RFX5: variants seen among roughly 807,000 people sequenced by gnomAD.
RFX5 encodes DNA-binding protein RFX5.
Under a neutral mutation model 41.2 loss-of-function variants are expected in RFX5, and 30 were observed. The ratio of observed to expected loss-of-function variants is 0.73; its 90% CI spans 0.54 to 0.99. RFX5 has a LOEUF of 0.99. Ranked by LOEUF, RFX5 falls within the 50% of genes least tolerant of loss-of-function variation. The probability of loss-of-function intolerance (pLI) is 0.00; values close to 1 mark genes in which losing one functional copy is unlikely to be tolerated. For synonymous variants in RFX5, 231 were observed against 291.8 expected, an observed-to-expected ratio of 0.79 and a Z score of 2.12; for missense variants, 715 against 773.6, an observed-to-expected ratio of 0.92 and a Z score of 0.90.
chr1:151,343,954 C>A, intron 8 of RFX5, 72 bp from the exon 9 acceptor site: 1 of 1,530,660 alleles, frequency 6.5e-7, no homozygotes. Flanking sequence ...TGTCAGAGAT[C>A]AAAGACTATT....
rs765460596 is a variant in RFX5, at chr1:151,342,931, C to T, written c.1106G>A (p.Ser369Asn). 1.2e-6 allele frequency: 2 copies of T among 1,614,014 alleles called. No homozygotes were observed. Among genetic ancestry groups the T allele is most frequent in the African/African-American group, 2.7e-5 (2 of 74,926 alleles). The change falls in exon 11 of 11, where the codon AGT becomes AAT. Residue 369 changes from serine (S) to asparagine (N), a missense_variant. By Grantham distance (46) the Ser-to-Asn change is conservative. Transcript: ENST00000452671. ...ALKVATLPLSSRAGAPPAAVP... is the reference protein window; with the variant it reads ...ALKVATLPLSNRAGAPPAAVP... Reference sequence around the variant, plus strand: ...AGCTGCTGGGGGTGCCCCGGCCCTACTAGACAGAGGCAGTGTAGCCACTTT... The same window carrying T: ...AGCTGCTGGGGGTGCCCCGGCCCTATTAGACAGAGGCAGTGTAGCCACTTT...
intron 4 of RFX5, 71 bp from the exon 5 acceptor site, chr1:151,345,259 C>G (rs1650908985): frequency 8.5e-7 from 1 of 1,180,186 alleles, no homozygotes; most frequent in Non-Finnish European, 1.3e-6. Context: ...ACCCTCTGAT[C>G]CCCACACCAA....
At position 151,343,014 on chromosome 1, in the gene RFX5, A is replaced by G. The variant is rs748890635; in HGVS notation, c.1023T>C (p.Ile341=). 5 of 1,613,762 alleles carry G rather than the reference A, an allele frequency of 3.1e-6. No homozygotes were observed. The highest frequency in any genetic ancestry group is 4.2e-6 in the Non-Finnish European group (5 of 1,179,834). ...LLLPRAPRSL[I]PPIPVSPPIL... ...TAGGTGGAGAGACTGGGATTGGCGG[A>G]ATTAGTGAGCGAGGGGCCCGGGGAA... is the stretch of plus-strand genomic sequence containing the variant. The change falls in exon 11 of 11, where the codon ATT becomes ATC. Residue 341 remains isoleucine (I), a synonymous_variant. Transcript: ENST00000452671.
In RFX5 at chr1:151,344,442, T is replaced by A. The variant is rs1196603035; in HGVS notation, c.448A>T (p.Arg150Trp). The A allele has an allele frequency of 6.2e-7, 1 of 1,614,224 alleles. No homozygotes were observed. The highest frequency in any genetic ancestry group is 1.1e-5 in the South Asian group (1 of 91,088). Reference sequence around the variant, plus strand: ...TTGGACTGGCCCCGGCCACCAAGCCTTCGAGCTTTGATGTCAGGGAAGATC... The same window carrying A: ...TTGGACTGGCCCCGGCCACCAAGCCATCGAGCTTTGATGTCAGGGAAGATC... ...REIFPDIKAR[R>W]LGGRGQSKYC... The change falls in exon 7 of 11, where the codon AGG (arginine) becomes TGG (tryptophan). Residue 150 changes from arginine (R) to tryptophan (W), a missense_variant. Physicochemically the swap from Arg to Trp is moderately radical, Grantham distance 101. Coordinates refer to ENST00000452671, the MANE Select transcript of RFX5 (RefSeq NM_001025603.2).
intron 9 of RFX5, 53 bp from the exon 10 acceptor site, chr1:151,343,495 A>G: frequency 1.3e-6 from 2 of 1,560,548 alleles, no homozygotes; most frequent in Middle Eastern, 1.7e-4. Flanking sequence ...AAACTGAGGA[A>G]TAGGGGAGTG....
chr1:151,341,909 T>C lies in RFX5; in HGVS notation c.*277A>G, dbSNP rs543532684. The C allele has an allele frequency of 8.0e-6, 5 of 627,060 alleles. No homozygotes were observed. The highest frequency in any genetic ancestry group is 6.5e-5 in the East Asian group (2 of 30,962). 38.8% of individuals were successfully genotyped at this position (627,060 alleles called of 1,614,324 possible). A position where few individuals can be genotyped will look rare whatever the true frequency, so the allele number is the denominator to read the frequency against. The stretch of plus-strand genomic sequence containing the variant: ...AAAAGATCCCTAACCTATATATTCA[T>C]CATACTTAGCCCATTCCTACCTTCC... On this transcript the variant is annotated 3_prime_UTR_variant, in exon 11 of 11. Transcript: ENST00000452671.
At chr1:151,345,593 CAG>C in intron 4 of RFX5, 1 of 326,458 alleles carries the variant, frequency 3.1e-6, no homozygotes, top group Non-Finnish European at 5.5e-6. Flanking sequence ...GCCTAGGCGA[CAG>C]AGTGAGACTC....
chr1:151,346,878 T>C, intron 1 of RFX5: 1 of 154,694 alleles, frequency 6.5e-6, no homozygotes, highest in East Asian at 1.9e-4. Context: ...CTGCTCCCCC[T>C]CCCCACGTCG....
intron 4 of RFX5, 124 bp downstream of exon 4, chr1:151,345,804 A>C (rs1571264705): frequency 7.1e-7 from 1 of 1,404,692 alleles, no homozygotes; most frequent in East Asian, 2.3e-5. Flanking sequence ...AAAGCCAACT[A>C]TCTTCTGACA....
chr1:151,345,328 G>T, intron 4 of RFX5, 140 bp from the exon 5 acceptor site: 1 of 698,430 alleles, frequency 1.4e-6, no homozygotes, highest in Non-Finnish European at 2.5e-6. Flanking sequence ...TATTTGACAA[G>T]GCCGGGCACG....
Position 151,343,769 on chromosome 1 carries a change from G to A in RFX5, c.669C>T (p.Ile223=), listed in dbSNP as rs778840668. ...ERILKRSFSS[I]VEVARFLLQQ... ...GTAGCAGGAAGCGGGCGACCTCAAC[G>A]ATGGAACTGAAGGACCGTTTCAGGA... Residue 223 remains isoleucine, a synonymous_variant, in exon 9 of 11, where the codon ATC becomes ATT. Transcript: ENST00000452671. The A allele has an allele frequency of 1.5e-5, 25 of 1,613,974 alleles. No individual in the cohort carries two copies. Among genetic ancestry groups the A allele is most frequent in the East Asian group, 2.2e-5 (1 of 44,894 alleles).
intron 8 of RFX5, 53 bp from the exon 9 acceptor site, chr1:151,343,935 C>A (rs1650758345): frequency 6.3e-7 from 1 of 1,581,722 alleles, no homozygotes; most frequent in Admixed American, 1.7e-5. Flanking sequence ...GAACCCTTGC[C>A]TCCTCTCTTG....
At chr1:151,345,035 C>T (rs1650883250) in intron 5 of RFX5, 71 bp downstream of exon 5, 3 of 1,527,400 alleles carry the variant, frequency 2.0e-6, no homozygotes, top group Non-Finnish European at 2.7e-6. Flanking sequence ...TCCTATTCAC[C>T]TCACCCCTTC....
chr1:151,346,346 G>T lies in RFX5; in HGVS notation c.-13-13C>A. The T allele has an allele frequency of 6.2e-7, 1 of 1,604,218 alleles. No individual in the cohort carries two copies. Among genetic ancestry groups the T allele is most frequent in the South Asian group, 1.1e-5 (1 of 90,850 alleles). On this transcript the variant is annotated splice_polypyrimidine_tract_variant and intron_variant, in intron 2 of 10. Coordinates refer to ENST00000452671, the MANE Select transcript of RFX5 (RefSeq NM_001025603.2). The stretch of plus-strand genomic sequence containing the variant: ...CCCGGCATGAGGGCTAGAATTGAGA[G>T]GGACAGGCATAAAGATGTAACTCAC...
In RFX5 at chr1:151,343,148, C is replaced by T. The variant is rs1317205660; in HGVS notation, c.889G>A (p.Ala297Thr). The change falls in exon 11 of 11, where the codon GCC (alanine) becomes ACC (threonine). Residue 297 changes from alanine to threonine, a missense_variant. Coordinates refer to ENST00000452671, the MANE Select transcript of RFX5 (RefSeq NM_001025603.2). ...CGCTCTCCACGTGCGAGAGGACCGG[C>T]CCCAGTTCGGGCTTCCAGATCCTTA... Reference protein sequence around the residue: ...PPKDLEARTGAGPLARGERKK... With the variant: ...PPKDLEARTGTGPLARGERKK... 1 of 1,611,554 alleles carries T rather than the reference C, an allele frequency of 6.2e-7. No individual in the cohort carries two copies. Among genetic ancestry groups the T allele is most frequent in the Admixed American group, 1.7e-5 (1 of 60,022 alleles).
chr1:151,343,014 A>T lies in RFX5; in HGVS notation c.1023T>A (p.Ile341=), dbSNP rs748890635. ...LLLPRAPRSL[I]PPIPVSPPIL... ...TAGGTGGAGAGACTGGGATTGGCGG[A>T]ATTAGTGAGCGAGGGGCCCGGGGAA... Residue 341 remains isoleucine (I), a synonymous_variant, in exon 11 of 11, where the codon ATT becomes ATA. Transcript: ENST00000452671. The T allele has an allele frequency of 1.2e-6, 2 of 1,613,642 alleles. No homozygotes were observed. The highest frequency in any genetic ancestry group is 8.5e-7 in the Non-Finnish European group (1 of 1,179,842).
At chr1:151,343,980 CAGA>C in intron 8 of RFX5, 98 bp from the exon 9 acceptor site, 2 of 1,358,354 alleles carry the variant, frequency 1.5e-6, no homozygotes, top group South Asian at 2.6e-5. Context: ...AAGCTGAGAC[CAGA>C]CTGGGGATGG....
At position 151,345,169 on chromosome 1, in the gene RFX5, G is replaced by C; in HGVS notation, c.170C>G (p.Ser57Cys). ...EGILQDVQKFSDNDKLYLYLQ... is the reference protein window; with the variant it reads ...EGILQDVQKFCDNDKLYLYLQ... Reference sequence around the variant, plus strand: ...GTAGAGATACAGCTTGTCATTGTCAGAAAATTTCTGTACATCTTGCTGAGG... The same window carrying C: ...GTAGAGATACAGCTTGTCATTGTCACAAAATTTCTGTACATCTTGCTGAGG... The change falls in exon 5 of 11, where the codon TCT (serine) becomes TGT (cysteine). Residue 57 changes from serine (S) to cysteine (C), a missense_variant. Coordinates refer to ENST00000452671, the MANE Select transcript of RFX5 (RefSeq NM_001025603.2). 6.2e-7 allele frequency: 1 copy of C among 1,613,878 alleles called. No homozygotes were observed. The highest frequency in any genetic ancestry group is 8.5e-7 in the Non-Finnish European group (1 of 1,179,818).
rs1446094081 is a variant in RFX5 at position 151,346,092 on chromosome 1, C to T, written c.116+113G>A. 7 of 1,557,670 alleles carry T rather than the reference C, an allele frequency of 4.5e-6. No homozygotes were observed. The South Asian group carries it at 5.6e-5, about 12-fold the overall frequency. On this transcript the variant is annotated intron_variant, in intron 3 of 10. Coordinates refer to ENST00000452671, the MANE Select transcript of RFX5 (RefSeq NM_001025603.2). The stretch of plus-strand genomic sequence containing the variant: ...GAATTGCTACCATGGCCAAAAATCT[C>T]CCTCTGCTCCCATGCCCTTGCTGAG...
Sources: allele counts gnomAD v4.1 joint callset, GRCh38; gene constraint gnomAD v4.1.1; transcripts MANE v1.5; gene names NCBI Gene and HGNC (gene_info 2026-07-23, HGNC 2026-07-21).